RILPL2: variants seen among roughly 807,000 people sequenced by gnomAD.
The protein encoded by RILPL2 is RILP-like protein 2.
In RILPL2, 19 loss-of-function variants were observed where a neutral mutation model predicts 22.2. That is an observed-to-expected ratio of 0.86 (90% CI 0.60 to 1.25). The LOEUF (loss-of-function observed/expected upper bound fraction) is 1.25. Ranked by LOEUF, RILPL2 falls within the 50% of genes most tolerant of loss-of-function variation. RILPL2 has a pLI of 0.00. For missense variants in RILPL2, 243 were observed against 263.6 expected (o/e 0.92, Z 0.54); for synonymous variants, 123 against 111.6 (o/e 1.10, Z -0.64).
rs1491548101 is a variant in RILPL2, at chr12:123,423,202, CGT to C, written c.492-47_492-46del. ...ATAAATGGATTATTTTATTACAGAT[CGT>C]TTTTTTTTTTTTTTTGAGTTGGAGT... On this transcript the variant is annotated intron_variant, in intron 2 of 3. Transcript: ENST00000280571. 5.3e-5 allele frequency: 46 copies of C among 862,798 alleles called. No homozygotes were observed. The East Asian group carries it at 9.1e-4, about 17-fold the overall frequency. 53.4% of individuals were successfully genotyped at this position (862,798 alleles called of 1,614,324 possible).
intron 1 of RILPL2, among the ~76,000 whole-genome samples, chr12:123,431,392 C>CG (rs1879644607): frequency 4.0e-5 from 1 of 24,826 alleles, no homozygotes; most frequent in Non-Finnish European, 9.1e-5. Flanking sequence ...ACTGGGGGGC[C>CG]GGGGGAGGGG....
At position 123,423,072 on chromosome 12, in the gene RILPL2, T is replaced by C. The variant is rs1435053461; in HGVS notation, c.577A>G (p.Lys193Glu). 1.2e-6 allele frequency: 2 copies of C among 1,613,808 alleles called. No individual in the cohort carries two copies. The highest frequency in any genetic ancestry group is 8.5e-7 in the Non-Finnish European group (1 of 1,179,798). Residue 193 changes from lysine to glutamate, a missense_variant, in exon 3 of 4, where the codon AAG becomes GAG. Physicochemically the swap from Lys to Glu is moderately conservative, Grantham distance 56. Coordinates refer to ENST00000280571, the MANE Select transcript of RILPL2 (RefSeq NM_145058.3). ...VTSAKNAGRNKEEKTIIKKLF... is the reference protein window; with the variant it reads ...VTSAKNAGRNEEEKTIIKKLF... ...TTTTTTATGATTGTCTTCTCCTCCT[T>C]GTTCCTGCCAGCATTTTTGGCACTA...
At chr12:123,430,211 C>T in intron 2 of RILPL2, among the ~76,000 whole-genome samples, 1 of 149,874 alleles carries the variant, frequency 6.7e-6, no homozygotes, top group East Asian at 2.0e-4. Context: ...AGATCGAGAC[C>T]ATTCTGCCTA....
At chr12:123,433,391 G>A (rs753961480) in intron 1 of RILPL2, among the ~76,000 whole-genome samples, 28 of 152,062 alleles carry the variant, frequency 1.8e-4, no homozygotes, top group Non-Finnish European at 2.8e-4. Flanking sequence ...GAGCCACTGC[G>A]CCCAGCCTTG....
Position 123,436,317 on chromosome 12 carries a change from T to A in RILPL2, c.104A>T (p.Gln35Leu). ...PEGALGKSPF[Q>L]LTAEDVYDIS... ...GTCATACACGTCCTCGGCGGTCAGCTGGAAGGGGCTCTTGCCCAGCGCCCC... is the reference window on the plus strand; with the variant it reads ...GTCATACACGTCCTCGGCGGTCAGCAGGAAGGGGCTCTTGCCCAGCGCCCC... The change falls in exon 1 of 4, where the codon CAG becomes CTG. Residue 35 changes from glutamine (Q) to leucine (L), a missense_variant. Gln to Leu is a moderately radical substitution (Grantham distance 113). Transcript: ENST00000280571. The surrounding 1 kb of genome is among the most constrained non-coding windows in gnomAD (Gnocchi z 6.7). 6.3e-7 allele frequency: 1 copy of A among 1,583,286 alleles called. No individual in the cohort carries two copies. Among genetic ancestry groups the A allele is most frequent in the Non-Finnish European group, 8.6e-7 (1 of 1,165,090 alleles).
At chr12:123,420,247 G>T (rs550997830) in intron 3 of RILPL2, among the ~76,000 whole-genome samples, 1 of 151,484 alleles carries the variant, frequency 6.6e-6, no homozygotes, top group Non-Finnish European at 1.5e-5. Flanking sequence ...GGATGGTCTC[G>T]ATCTCCTGAC....
rs1297952115 is a variant in RILPL2, at chr12:123,424,454, C to T, written c.492-1297G>A. Among the ~76,000 whole-genome samples the T allele has an allele frequency of 2.6e-5, 4 of 151,816 alleles. No individual in the cohort carries two copies. In the East Asian group the frequency reaches 7.8e-4, roughly 30 times the overall value. On this transcript the variant is annotated intron_variant, in intron 2 of 3. Transcript: ENST00000280571. The stretch of plus-strand genomic sequence containing the variant: ...TCAAATGATTCTCCTGCCTCAGCCT[C>T]CCAAGTAGCTGGGATTACAGGTGTG...
chr12:123,416,638 TCAAAAA>T lies in RILPL2; in HGVS notation c.606-723_606-718del, dbSNP rs1049177907. On this transcript the variant is annotated intron_variant, in intron 3 of 3. Coordinates refer to ENST00000280571, the MANE Select transcript of RILPL2 (RefSeq NM_145058.3). ...CTGGGTGACAGATTGAGACTCCGTC[TCAAAAA>T]CAAAAACAAAAAAACACATTCATTC... Among the ~76,000 whole-genome samples the T allele has an allele frequency of 9.2e-5, 14 of 152,178 alleles. 1 individual carries two copies. The South Asian group carries it at 2.1e-3, about 22-fold the overall frequency.
At chr12:123,430,359 A>T in intron 2 of RILPL2, 149 bp downstream of exon 2, 1 of 591,922 alleles carries the variant, frequency 1.7e-6, no homozygotes, top group Admixed American at 3.2e-5. Flanking sequence ...CAGTGAGCCG[A>T]GATCGCGCCA....
intron 3 of RILPL2, among the ~76,000 whole-genome samples, chr12:123,417,438 A>C (rs531535406): frequency 2.0e-5 from 3 of 152,180 alleles, no homozygotes; most frequent in Admixed American, 6.6e-5. Flanking sequence ...AAACCATCCA[A>C]TGTCTCTTCC....
chr12:123,430,584 T>G lies in RILPL2; in HGVS notation c.415A>C (p.Arg139=), dbSNP rs141947214. ...TTGTTGCGTTCCTGCAGCACATCCC[T>G]TAGCTCCTGCAGAGTGAAGCGGGGT... is the stretch of plus-strand genomic sequence containing the variant. ...NRPRFTLQEL[R]DVLQERNKLK... is the part of the protein sequence containing the mutation. Residue 139 remains arginine, a synonymous_variant, in exon 2 of 4, where the codon AGG becomes CGG. Coordinates refer to ENST00000280571, the MANE Select transcript of RILPL2 (RefSeq NM_145058.3). The G allele has an allele frequency of 1.3e-3, 2,103 of 1,613,102 alleles. 20 individuals are homozygous for G. The highest frequency in any genetic ancestry group is 5.3e-4 in the Non-Finnish European group (628 of 1,179,354).
intron 3 of RILPL2, among the ~76,000 whole-genome samples, chr12:123,419,120 C>T (rs1879204649): frequency 6.6e-6 from 1 of 151,686 alleles, no homozygotes; most frequent in Admixed American, 6.6e-5. Context: ...ACGCCATTCT[C>T]CTGCCTCAGC....
At chr12:123,425,930 G>A (rs1352857823) in intron 2 of RILPL2, among the ~76,000 whole-genome samples, 1 of 152,060 alleles carries the variant, frequency 6.6e-6, no homozygotes, top group Non-Finnish European at 1.5e-5. Context: ...GGGATTACAG[G>A]CGTGAGCCAC....
At chr12:123,419,819 A>G (rs1169621927) in intron 3 of RILPL2, among the ~76,000 whole-genome samples, 1 of 151,274 alleles carries the variant, frequency 6.6e-6, no homozygotes, top group Non-Finnish European at 1.5e-5. Flanking sequence ...TTTCAGACAC[A>G]GTCTCATTCT....
chr12:123,413,647 G>A (rs1172002201), downstream of RILPL2: 1 of 152,246 alleles, frequency 6.6e-6, no homozygotes, highest in African/African-American at 2.4e-5. Context: ...ATGCGGAAAG[G>A]AACCCGAGCG....
At chr12:123,426,764 G>A (rs1879453591) in intron 2 of RILPL2, among the ~76,000 whole-genome samples, 1 of 151,234 alleles carries the variant, frequency 6.6e-6, no homozygotes, top group Non-Finnish European at 1.5e-5. Context: ...ACCTCGTCTG[G>A]CTAATTTTTT....
downstream of RILPL2, chr12:123,411,708 T>G (rs1200452101): frequency 2.0e-5 from 3 of 151,644 alleles, no homozygotes; most frequent in Non-Finnish European, 4.4e-5. Flanking sequence ...GTATTTTTAG[T>G]AGAGACAGGG....
At chr12:123,432,367 T>C (rs934397269) in intron 1 of RILPL2, among the ~76,000 whole-genome samples, 1 of 152,062 alleles carries the variant, frequency 6.6e-6, no homozygotes, top group Admixed American at 6.6e-5. Context: ...TAGGTGGCCA[T>C]AGTAGCACAT....
intron 3 of RILPL2, among the ~76,000 whole-genome samples, chr12:123,419,658 T>C (rs1303218598): frequency 1.3e-5 from 2 of 149,300 alleles, no homozygotes; most frequent in East Asian, 4.0e-4. Context: ...CAGGCTGGAG[T>C]GCAGGGGTGT....
Sources: allele counts gnomAD v4.1 joint callset (sites outside exome capture counted in the v4.1 genomes callset), GRCh38; gene constraint gnomAD v4.1.1; non-coding constraint Gnocchi (gnomAD v3.1); transcripts MANE v1.5; gene names NCBI Gene and HGNC (gene_info 2026-07-23, HGNC 2026-07-21).